MAPKBP1: variants seen among roughly 807,000 people sequenced by gnomAD.
MAPKBP1 encodes mitogen-activated protein kinase binding protein 1.
A neutral mutation model predicts 170.5 loss-of-function variants in MAPKBP1; 71 were observed. That is an observed-to-expected ratio of 0.42 (90% CI 0.34 to 0.51). The LOEUF (loss-of-function observed/expected upper bound fraction) is 0.51. MAPKBP1 is among the 20% of genes least tolerant of loss of function. MAPKBP1 has a pLI of 0.06. For missense variants in MAPKBP1, 1,598 were observed against 1,933.0 expected (o/e 0.83, Z 3.25); for synonymous variants, 719 against 757.9 (o/e 0.95, Z 0.84).
Position 41,817,726 on chromosome 15 carries a change from G to A in MAPKBP1, c.1895G>A (p.Arg632Gln). The change falls in exon 16 of 31, where the codon CGA becomes CAA. Residue 632 changes from arginine (R) to glutamine (Q), a missense_variant. Physicochemically the swap from Arg to Gln is conservative, Grantham distance 43 (BLOSUM62 1). Coordinates refer to ENST00000457542, the MANE Select transcript of MAPKBP1 (RefSeq NM_014994.3). The surrounding 1 kb of genome is among the most constrained non-coding windows in gnomAD (Gnocchi z 4.2). ...WKYTAIGCQD[R>Q]NIRIFNISSG... Reference sequence around the variant, plus strand: ...TACACGGCTATCGGCTGCCAGGACCGAAATATTCGGTGGGCGTCCCCTCCT... The same window carrying A: ...TACACGGCTATCGGCTGCCAGGACCAAAATATTCGGTGGGCGTCCCCTCCT... 2 of 1,613,322 alleles carry A rather than the reference G, an allele frequency of 1.2e-6. No individual in the cohort carries two copies. Among genetic ancestry groups the A allele is most frequent in the Non-Finnish European group, 1.7e-6 (2 of 1,179,608 alleles).
chr15:41,790,642 T>A (rs893742343), intron 2 of MAPKBP1, among the ~76,000 whole-genome samples: 2 of 152,202 alleles, frequency 1.3e-5, no homozygotes, highest in Non-Finnish European at 2.9e-5. Flanking sequence ...ATACCCTTTT[T>A]TTGTTTGTTT....
chr15:41,811,111 G>T, intron 4 of MAPKBP1, 67 bp from the exon 5 acceptor site: 2 of 1,591,736 alleles, frequency 1.3e-6, no homozygotes, highest in Non-Finnish European at 1.7e-6. Flanking sequence ...CCTTTTGAGA[G>T]GCTGGGAGGG....
intron 2 of MAPKBP1, among the ~76,000 whole-genome samples, chr15:41,785,558 T>C (rs529616969): frequency 4.5e-4 from 68 of 152,322 alleles, no homozygotes; most frequent in Non-Finnish European, 8.4e-4. Context: ...TTTTTTTTCT[T>C]TTGGGTCTAA....
At position 41,819,554 on chromosome 15, in the gene MAPKBP1, G is replaced by GA; in HGVS notation, c.2426-41_2426-40insA. ...GGCTCCAGGGTTGGGTGGCGGGGGG[G>GA]GGGCAGGAGACACTTCCTCTGACTG... On this transcript the variant is annotated intron_variant, in intron 21 of 30. Transcript: ENST00000457542. 5 of 1,495,298 alleles carry GA rather than the reference G, an allele frequency of 3.3e-6. No individual in the cohort carries two copies. In the South Asian group the frequency reaches 3.4e-5, roughly 10 times the overall value. 92.6% of individuals were successfully genotyped at this position (1,495,298 alleles called of 1,614,324 possible). A position where few individuals can be genotyped will look rare whatever the true frequency, so the allele number is the denominator to read the frequency against.
Position 41,821,726 on chromosome 15 carries a change from G to A in MAPKBP1, c.2861G>A (p.Ser954Asn). The A allele has an allele frequency of 1.2e-6, 2 of 1,614,012 alleles. No individual in the cohort carries two copies. Among genetic ancestry groups the A allele is most frequent in the Non-Finnish European group, 8.5e-7 (1 of 1,179,992 alleles). The change falls in exon 24 of 31, where the codon AGT (serine) becomes AAT (asparagine). Residue 954 changes from serine (S) to asparagine (N), a missense_variant. By Grantham distance (46) the Ser-to-Asn change is conservative (BLOSUM62 1). Coordinates refer to ENST00000457542, the MANE Select transcript of MAPKBP1 (RefSeq NM_014994.3). ...IEDGIVYPEP[S>N]DNPTMDTSEF... ...GATGGTATTGTCTACCCGGAGCCGA[G>A]TGACAACCCCACCATGGATACCAGG...
intron 2 of MAPKBP1, among the ~76,000 whole-genome samples, chr15:41,783,274 A>G (rs1468139817): frequency 6.6e-6 from 1 of 152,174 alleles, no homozygotes; most frequent in Middle Eastern, 3.4e-3. Context: ...CTGTTTTGTT[A>G]TCTCTTGTTA....
chr15:41,820,123 T>G (rs2064969714), intron 22 of MAPKBP1, among the ~76,000 whole-genome samples: 1 of 152,212 alleles, frequency 6.6e-6, no homozygotes, highest in Non-Finnish European at 1.5e-5. Flanking sequence ...GAAAAGGCCA[T>G]GAGGGGACCC....
chr15:41,782,925 T>G (rs1081022), intron 2 of MAPKBP1, among the ~76,000 whole-genome samples: 112,386 of 152,130 alleles, frequency 0.74, 42,611 homozygotes, highest in East Asian at 0.86. Context: ...ATCTATATCC[T>G]TACTCCTCTT....
Position 41,775,263 on chromosome 15 carries a change from G to C in MAPKBP1, c.-13G>C. On this transcript the variant is annotated 5_prime_UTR_variant, in exon 2 of 31. Coordinates refer to ENST00000457542, the MANE Select transcript of MAPKBP1 (RefSeq NM_014994.3). ...ACTGGGCCGGGGACTGTCCCAAAGG[G>C]TTTCTCGTCATAATGGCTGTGGAAG... 1 of 1,609,508 alleles carries C rather than the reference G, an allele frequency of 6.2e-7. No individual in the cohort carries two copies. The highest frequency in any genetic ancestry group is 1.3e-5 in the African/African-American group (1 of 74,930).
chr15:41,824,452 G>T, intron 29 of MAPKBP1, 32 bp from the exon 30 acceptor site: 1 of 1,553,532 alleles, frequency 6.4e-7, no homozygotes, highest in East Asian at 2.4e-5. Flanking sequence ...GCTACATGCT[G>T]GGCCTCACTG....
rs1464867527 is a variant in MAPKBP1, at chr15:41,823,591, C to G, written c.3743C>G (p.Ser1248Cys). The G allele has an allele frequency of 6.2e-7, 1 of 1,614,190 alleles. No homozygotes were observed. Among genetic ancestry groups the G allele is most frequent in the South Asian group, 1.1e-5 (1 of 91,082 alleles). The change falls in exon 29 of 31, where the codon TCC becomes TGC. Residue 1248 changes from serine to cysteine, a missense_variant. Transcript: ENST00000457542. ...PHSYQNPTTS[S>C]MAKISRSISV... ...TCCTATCAGAACCCCACCACCAGTT[C>G]CATGGCCAAGATATCCCGCAGTATC...
chr15:41,786,626 G>C (rs925269040), intron 2 of MAPKBP1, among the ~76,000 whole-genome samples: 1 of 150,490 alleles, frequency 6.6e-6, no homozygotes, highest in Admixed American at 6.6e-5. Flanking sequence ...TTAGCTGGGC[G>C]TGGTGGCGGG....
At chr15:41,786,696 C>G (rs929262929) in intron 2 of MAPKBP1, among the ~76,000 whole-genome samples, 3 of 141,092 alleles carry the variant, frequency 2.1e-5, no homozygotes. Context: ...ACCCGGAAGG[C>G]AGAGCTTGCA....
At position 41,827,518 on chromosome 15, in the gene MAPKBP1, C is replaced by T. The variant is rs2140866336; in HGVS notation, c.*2082C>T. 6.6e-6 allele frequency: 1 copy of T among 152,426 alleles called. No homozygotes were observed. The highest frequency in any genetic ancestry group is 1.9e-4 in the East Asian group (1 of 5,158). The allele number at this position is 152,426 out of a possible 1,614,324, so 9.4% of individuals were successfully genotyped here. A position where few individuals can be genotyped will look rare whatever the true frequency, so the allele number is the denominator to read the frequency against. On this transcript the variant is annotated 3_prime_UTR_variant, in exon 31 of 31. Coordinates refer to ENST00000457542, the MANE Select transcript of MAPKBP1 (RefSeq NM_014994.3). Reference sequence around the variant, plus strand: ...CGCAGGTGGGACTCAGGTTCGCCCTCTGGGCCAGGTCCTTCACGAGGAGGG... The same window carrying T: ...CGCAGGTGGGACTCAGGTTCGCCCTTTGGGCCAGGTCCTTCACGAGGAGGG...
At position 41,821,008 on chromosome 15, in the gene MAPKBP1, C is replaced by T. The variant is rs1295048919; in HGVS notation, c.2658C>T (p.Ile886=). 1.9e-6 allele frequency: 3 copies of T among 1,614,208 alleles called. No homozygotes were observed. The South Asian group carries it at 3.3e-5, about 18-fold the overall frequency. Residue 886 remains isoleucine, a synonymous_variant, in exon 23 of 31, where the codon ATC becomes ATT. Transcript: ENST00000457542. Reference sequence around the variant, plus strand: ...ACCCTAGCCAGGACTCGCTGGCCATCATCCCATCTGGTCCCAGGAAGCATG... The same window carrying T: ...ACCCTAGCCAGGACTCGCTGGCCATTATCCCATCTGGTCCCAGGAAGCATG... ...LQDPSQDSLA[I]IPSGPRKHGQ...
intron 2 of MAPKBP1, among the ~76,000 whole-genome samples, chr15:41,780,006 GGAGA>G (rs2064158146): frequency 6.6e-6 from 1 of 152,156 alleles, no homozygotes; most frequent in African/African-American, 2.4e-5. Context: ...GATTCTCACT[GGAGA>G]GAGAGGATGC....
chr15:41,779,407 C>T (rs2064147057), intron 2 of MAPKBP1, among the ~76,000 whole-genome samples: 1 of 152,050 alleles, frequency 6.6e-6, no homozygotes, highest in Admixed American at 6.6e-5. Flanking sequence ...AACGGTGTTT[C>T]ACCATGTTGG....
intron 2 of MAPKBP1, among the ~76,000 whole-genome samples, chr15:41,784,767 C>T (rs1054718839): frequency 1.3e-3 from 150 of 116,154 alleles, no homozygotes; most frequent in Non-Finnish European, 1.8e-3. Flanking sequence ...GGCAATAGAG[C>T]GAGACTCCGT....
At chr15:41,822,456 AT>A in intron 26 of MAPKBP1, 34 bp downstream of exon 26, 1 of 1,608,798 alleles carries the variant, frequency 6.2e-7, no homozygotes, top group Non-Finnish European at 8.5e-7. Context: ...AGTGCCTGCA[AT>A]TTGCCCTTCT....
Sources: gnomAD v4.1 joint callset for allele counts (sites outside exome capture counted in the v4.1 genomes callset) on GRCh38, gnomAD v4.1.1 for gene constraint, Gnocchi (gnomAD v3.1) non-coding constraint, MANE v1.5 for transcripts, NCBI Gene and HGNC (gene_info 2026-07-23, HGNC 2026-07-21) for gene names.